Variants in TMC1 observed in about 807,000 individuals in gnomAD.
The protein encoded by TMC1 is transmembrane channel like 1, also known as transmembrane channel-like protein 1.
A neutral mutation model predicts 105.8 loss-of-function variants in TMC1; 84 were observed. The observed-to-expected ratio is 0.79, with a 90% CI of 0.67 to 0.95. The LOEUF is 0.95. Among genes scored for constraint, TMC1 ranks in the 40% least tolerant of loss-of-function variants. The probability of loss-of-function intolerance (pLI) is 0.00; values close to 1 mark genes in which losing one functional copy is unlikely to be tolerated. For synonymous variants in TMC1, 315 were observed against 311.5 expected, an observed-to-expected ratio of 1.01 and a Z score of -0.12; for missense variants, 817 against 914.1, an observed-to-expected ratio of 0.89 and a Z score of 1.37.
At chr9:72,670,576 A>T (rs936228670) in intron 5 of TMC1, among the ~76,000 whole-genome samples, 3 of 152,198 alleles carry the variant, frequency 2.0e-5, no homozygotes, top group African/African-American at 7.2e-5. Context: ...AAAATCAATT[A>T]TACATAATTG....
chr9:72,533,276 G>A (rs1426260731), intron 1 of TMC1, among the ~76,000 whole-genome samples: 1 of 152,210 alleles, frequency 6.6e-6, no homozygotes, highest in Non-Finnish European at 1.5e-5. Context: ...GAGATCTGGA[G>A]AAACCCAAGG....
chr9:72,743,578 AAAAG>A lies in TMC1; in HGVS notation c.535+1069_535+1072del, dbSNP rs1350418235. On this transcript the variant is annotated intron_variant, in intron 10 of 23. Transcript: ENST00000297784. ...CCAGACTCTGTTTCAAAAAAAAAAA[AAAAG>A]AAAGAAAGAAAGAAAAAAAACGAAG... Among the ~76,000 whole-genome samples, 86 of 149,284 alleles carry A rather than the reference AAAAG, an allele frequency of 5.8e-4. No individual in the cohort carries two copies. The South Asian group carries it at 6.1e-3, about 11-fold the overall frequency.
intron 2 of TMC1, among the ~76,000 whole-genome samples, chr9:72,602,636 A>G (rs1231582470): frequency 3.3e-5 from 5 of 152,052 alleles, no homozygotes; most frequent in African/African-American, 1.2e-4. Flanking sequence ...CGGCCTCCCA[A>G]AATGTTGGGA....
intron 1 of TMC1, among the ~76,000 whole-genome samples, chr9:72,566,913 T>C (rs967708524): frequency 5.3e-5 from 8 of 152,348 alleles, no homozygotes; most frequent in Middle Eastern, 3.4e-3. Context: ...CCACATATTA[T>C]AGCAAGAGAG....
intron 12 of TMC1, among the ~76,000 whole-genome samples, chr9:72,768,931 G>T (rs530920990): frequency 6.6e-6 from 1 of 152,308 alleles, no homozygotes; most frequent in South Asian, 2.1e-4. Flanking sequence ...TTTCCAAGAG[G>T]CCCTGTCACC....
At chr9:72,585,578 G>A (rs1036171774) in intron 2 of TMC1, among the ~76,000 whole-genome samples, 1 of 152,224 alleles carries the variant, frequency 6.6e-6, no homozygotes, top group African/African-American at 2.4e-5. Flanking sequence ...CACAAAGAGA[G>A]GTCATGAGGA....
chr9:72,564,034 C>G (rs1824104007), intron 1 of TMC1, among the ~76,000 whole-genome samples: 1 of 151,752 alleles, frequency 6.6e-6, no homozygotes, highest in Non-Finnish European at 1.5e-5. Context: ...GCGATCATAT[C>G]ACTGTCTTGA....
At chr9:72,819,788 G>T (rs1239543887) in intron 19 of TMC1, among the ~76,000 whole-genome samples, 2 of 152,180 alleles carry the variant, frequency 1.3e-5, no homozygotes, top group Non-Finnish European at 2.9e-5. Flanking sequence ...AGCTATAAAT[G>T]TTGAGGGCTT....
At chr9:72,646,896 C>T (rs12341845) in intron 4 of TMC1, among the ~76,000 whole-genome samples, 23,193 of 151,930 alleles carry the variant, frequency 0.15, 1,896 homozygotes, top group Non-Finnish European at 0.19. Flanking sequence ...TGTAATCCCA[C>T]TCTGGGAGGC....
chr9:72,757,504 A>T (rs1354286599), intron 12 of TMC1, among the ~76,000 whole-genome samples: 2 of 152,292 alleles, frequency 1.3e-5, no homozygotes, highest in African/African-American at 2.4e-5. Context: ...CATATTTCAA[A>T]TTTTTTCAGA....
chr9:72,672,536 A>G (rs1433138825), intron 5 of TMC1, among the ~76,000 whole-genome samples: 2 of 152,060 alleles, frequency 1.3e-5, no homozygotes, highest in Non-Finnish European at 2.9e-5. Flanking sequence ...AAATATTGCC[A>G]CTTGCAGTAT....
At chr9:72,736,791 C>T (rs1588056896) in intron 8 of TMC1, among the ~76,000 whole-genome samples, 1 of 151,958 alleles carries the variant, frequency 6.6e-6, no homozygotes, top group African/African-American at 2.4e-5. Context: ...TGTATGGGTT[C>T]CTAAAAATCC....
intron 10 of TMC1, among the ~76,000 whole-genome samples, chr9:72,743,284 G>A (rs1827423499): frequency 6.7e-6 from 1 of 149,442 alleles, no homozygotes; most frequent in South Asian, 2.1e-4. Context: ...GGAGAATGGC[G>A]TGAACCCAGG....
At chr9:72,720,614 A>G (rs573026419) in intron 8 of TMC1, among the ~76,000 whole-genome samples, 25 of 152,324 alleles carry the variant, frequency 1.6e-4, no homozygotes, top group African/African-American at 5.8e-4. Flanking sequence ...AGTACGCCTG[A>G]TCATAGCAGT....
chr9:72,609,179 C>CCCTTCCTTCCTTTCTTCCTT (rs1824979255), intron 2 of TMC1, among the ~76,000 whole-genome samples: 1 of 136,058 alleles, frequency 7.3e-6, no homozygotes, highest in Non-Finnish European at 1.5e-5. Context: ...CTTCCTCCTT[C>CCCTTCCTTCCTTTCTTCCTT]CCTTCCTTCC....
chr9:72,640,778 C>T (rs893095306), intron 4 of TMC1, among the ~76,000 whole-genome samples: 3 of 151,846 alleles, frequency 2.0e-5, no homozygotes, highest in Non-Finnish European at 2.9e-5. Flanking sequence ...ACTACAGGCG[C>T]CCGCCACTAC....
intron 12 of TMC1, among the ~76,000 whole-genome samples, chr9:72,764,315 A>G (rs932583782): frequency 6.6e-6 from 1 of 152,208 alleles, no homozygotes; most frequent in South Asian, 2.1e-4. Context: ...TTCACTCTGA[A>G]TATTTTAAAG....
rs1321612804 is a variant in TMC1 at position 72,837,745 on chromosome 9, T to TA, written c.*1773dup. 6.6e-6 allele frequency: 1 copy of TA among 152,212 alleles called. No individual in the cohort carries two copies. The highest frequency in any genetic ancestry group is 1.9e-4 in the East Asian group (1 of 5,196). The allele number at this position is 152,212 out of a possible 1,614,324, so 9.4% of individuals were successfully genotyped here. Reference sequence around the variant, plus strand: ...TGCTTGCCATTCCCTGCAGTTGACTTACTGATTTCTATTATCCTGTCTCTG... The same window carrying TA: ...TGCTTGCCATTCCCTGCAGTTGACTTAACTGATTTCTATTATCCTGTCTCTG... On this transcript the variant is annotated 3_prime_UTR_variant, in exon 24 of 24. Coordinates refer to ENST00000297784, the MANE Select transcript of TMC1 (RefSeq NM_138691.3).
rs752427037 is a variant in TMC1, at chr9:72,789,225, G to T, written c.1132G>T (p.Gly378Trp). The T allele has an allele frequency of 1.2e-6, 2 of 1,614,008 alleles. No individual in the cohort carries two copies. Among genetic ancestry groups the T allele is most frequent in the Non-Finnish European group, 1.7e-6 (2 of 1,179,944 alleles). ...CTTCTTCGTGTTTCTAACACTTGGAGGGAGTGGATACCTCATCTTTTGGGC... is the reference window on the plus strand; with the variant it reads ...CTTCTTCGTGTTTCTAACACTTGGATGGAGTGGATACCTCATCTTTTGGGC... ...ANFFVFLTLG[G>W]SGYLIFWAVK... The change falls in exon 15 of 24, where the codon GGG (glycine) becomes TGG (tryptophan). Residue 378 changes from glycine to tryptophan, a missense_variant. Transcript: ENST00000297784.
Sources: allele counts gnomAD v4.1 joint callset (sites outside exome capture counted in the v4.1 genomes callset), GRCh38; gene constraint gnomAD v4.1.1; transcripts MANE v1.5; gene names NCBI Gene and HGNC (gene_info 2026-07-23, HGNC 2026-07-21).